Variants in SMAP1 observed in about 807,000 individuals in gnomAD.
The protein encoded by SMAP1 is small ArfGAP 1.
A neutral mutation model predicts 58.5 loss-of-function variants in SMAP1; 24 were observed. The ratio of observed to expected loss-of-function variants is 0.41; its 90% CI spans 0.30 to 0.58. The LOEUF (loss-of-function observed/expected upper bound fraction) is 0.58, where lower values mean the gene tolerates loss of function less well. Ranked by LOEUF, SMAP1 falls within the 20% of genes least tolerant of loss-of-function variation. The pLI, the probability that SMAP1 is intolerant of heterozygous loss-of-function variation, is 0.29. For synonymous variants in SMAP1, 216 were observed against 196.6 expected, an observed-to-expected ratio of 1.10 and a Z score of -0.82; for missense variants, 563 against 566.3, an observed-to-expected ratio of 0.99 and a Z score of 0.06.
At chr6:70,859,364 C>T (rs1771593189) in intron 10 of SMAP1, 1 of 1,542,116 alleles carries the variant, frequency 6.5e-7, no homozygotes, top group Admixed American at 2.0e-5. Context: ...TCCAGCACTC[C>T]ATCAGTGCAA....
intron 3 of SMAP1, among the ~76,000 whole-genome samples, chr6:70,760,852 G>A (rs952377906): frequency 1.3e-5 from 2 of 152,094 alleles, no homozygotes; most frequent in Non-Finnish European, 2.9e-5. Context: ...CTGTGAAAGT[G>A]TAATTTCTAA....
At chr6:70,715,086 C>CTT (rs79570681) in intron 1 of SMAP1, among the ~76,000 whole-genome samples, 1 of 117,412 alleles carries the variant, frequency 8.5e-6, no homozygotes. Context: ...GTGTGGGTTT[C>CTT]TTTTTTTTTT....
rs1770343605 is a variant in SMAP1, at chr6:70,831,157, G to A, written c.577-5784G>A. Among the ~76,000 whole-genome samples the A allele has an allele frequency of 2.0e-5, 3 of 152,282 alleles. No homozygotes were observed. The South Asian group carries it at 6.2e-4, about 32-fold the overall frequency. ...AGGCCAGCCATGATTTTCCCCTTCAGTCAGAGACTGAGTACCTGTCTTGTC... is the reference window on the plus strand; with the variant it reads ...AGGCCAGCCATGATTTTCCCCTTCAATCAGAGACTGAGTACCTGTCTTGTC... On this transcript the variant is annotated intron_variant, in intron 6 of 10. Transcript: ENST00000370455.
chr6:70,765,407 T>C (rs62419707), intron 3 of SMAP1, among the ~76,000 whole-genome samples: 20,439 of 152,198 alleles, frequency 0.13, 1,466 homozygotes, highest in Middle Eastern at 0.23. Context: ...ACCCATAACA[T>C]GTCTAATACC....
intron 6 of SMAP1, 39 bp from the exon 7 acceptor site, chr6:70,836,902 C>T: frequency 6.8e-7 from 1 of 1,461,760 alleles, no homozygotes; most frequent in Non-Finnish European, 9.1e-7. Flanking sequence ...GTTAAATTTA[C>T]TTAAGAAAAA....
At chr6:70,750,876 T>C (rs1437081582) in intron 2 of SMAP1, among the ~76,000 whole-genome samples, 2 of 152,208 alleles carry the variant, frequency 1.3e-5, no homozygotes, top group East Asian at 3.8e-4. Flanking sequence ...AAAATTCATC[T>C]TTCTGGGAAC....
intron 8 of SMAP1, among the ~76,000 whole-genome samples, chr6:70,853,026 C>G (rs1771247296): frequency 6.6e-6 from 1 of 152,162 alleles, no homozygotes; most frequent in Non-Finnish European, 1.5e-5. Flanking sequence ...TGGAAAAACC[C>G]TGACTACCTC....
intron 1 of SMAP1, among the ~76,000 whole-genome samples, chr6:70,727,973 G>A (rs762218289): frequency 6.6e-6 from 1 of 152,092 alleles, no homozygotes; most frequent in African/African-American, 2.4e-5. Context: ...TGAGGTGGGA[G>A]GATCACTTGA....
intron 1 of SMAP1, among the ~76,000 whole-genome samples, chr6:70,688,342 A>G (rs932388526): frequency 6.6e-6 from 1 of 152,158 alleles, no homozygotes; most frequent in African/African-American, 2.4e-5. Context: ...GCTGGGTTGT[A>G]TGGTGATTGC....
rs183171629 is a variant in SMAP1, at chr6:70,749,323, G to T, written c.253-5657G>T. 2.9e-3 allele frequency among the ~76,000 whole-genome samples: 444 copies of T among 152,276 alleles called. 1 individual carries two copies. Among genetic ancestry groups the T allele is most frequent in the Non-Finnish European group, 5.1e-3 (349 of 68,028 alleles). The stretch of plus-strand genomic sequence containing the variant: ...CAAGTCCCTTCCCAACACCTGACGT[G>T]TGGGTATTACGAGATGAGATCTGGG... On this transcript the variant is annotated intron_variant, in intron 2 of 10. Coordinates refer to ENST00000370455, the MANE Select transcript of SMAP1 (RefSeq NM_001044305.3).
chr6:70,677,482 G>A (rs1054703603), intron 1 of SMAP1, among the ~76,000 whole-genome samples: 2 of 114,310 alleles, frequency 1.7e-5, no homozygotes, highest in South Asian at 2.9e-4. Context: ...CCAGTGGCTC[G>A]ATCTCGGCTC....
intron 7 of SMAP1, among the ~76,000 whole-genome samples, chr6:70,851,019 T>C (rs188887494): frequency 3.3e-5 from 5 of 152,308 alleles, no homozygotes; most frequent in Non-Finnish European, 5.9e-5. Flanking sequence ...TTATAATCTA[T>C]GTACATTGTT....
chr6:70,853,303 T>G (rs1771259435), intron 8 of SMAP1, among the ~76,000 whole-genome samples: 2 of 152,192 alleles, frequency 1.3e-5, no homozygotes, highest in Admixed American at 1.3e-4. Flanking sequence ...ATTGCCTTCT[T>G]AACATTACAT....
intron 6 of SMAP1, among the ~76,000 whole-genome samples, chr6:70,809,926 GT>G (rs1769313817): frequency 6.6e-6 from 1 of 152,102 alleles, no homozygotes; most frequent in Admixed American, 6.6e-5. Flanking sequence ...GCATTTTAGT[GT>G]TGCTTCCCTG....
intron 6 of SMAP1, among the ~76,000 whole-genome samples, chr6:70,816,225 A>G (rs192583003): frequency 1.8e-4 from 28 of 152,322 alleles, no homozygotes; most frequent in Non-Finnish European, 1.6e-4. Context: ...TATTTTGGCA[A>G]TTATCCAATT....
intron 2 of SMAP1, among the ~76,000 whole-genome samples, chr6:70,734,164 C>A (rs1031461825): frequency 6.6e-6 from 1 of 150,972 alleles, no homozygotes; most frequent in African/African-American, 2.4e-5. Flanking sequence ...TTTTTTGAGA[C>A]GGAGTCTCAC....
intron 3 of SMAP1, among the ~76,000 whole-genome samples, chr6:70,767,720 T>TC (rs1471314856): frequency 6.1e-5 from 9 of 146,588 alleles, no homozygotes; most frequent in Admixed American, 2.8e-4. Flanking sequence ...CTTCCTCTTT[T>TC]CCTAATTGAA....
rs1768148413 is a variant in SMAP1 at position 70,788,068 on chromosome 6, A to G, written c.415-3621A>G. On this transcript the variant is annotated intron_variant, in intron 4 of 10. Coordinates refer to ENST00000370455, the MANE Select transcript of SMAP1 (RefSeq NM_001044305.3). ...ACCAACCCAAATGTCCAACAATGAT[A>G]GACTGGATTAAGAAAATGTGGCGCA... Among the ~76,000 whole-genome samples the G allele has an allele frequency of 6.6e-5, 10 of 152,096 alleles. No individual in the cohort carries two copies. In the South Asian group the frequency reaches 2.1e-3, roughly 32 times the overall value.
intron 8 of SMAP1, among the ~76,000 whole-genome samples, chr6:70,855,900 G>A (rs148653987): frequency 5.2e-4 from 79 of 152,166 alleles, no homozygotes; most frequent in African/African-American, 1.7e-3. Flanking sequence ...GCTTTTTGTC[G>A]CTTACAATTC....
Sources: allele counts gnomAD v4.1 joint callset (sites outside exome capture counted in the v4.1 genomes callset), GRCh38; gene constraint gnomAD v4.1.1; transcripts MANE v1.5; gene names NCBI Gene and HGNC (gene_info 2026-07-23, HGNC 2026-07-21).